The following CCDC141 variants were observed in gnomAD, a reference collection of about 807,000 sequenced individuals.
CCDC141 encodes coiled-coil domain-containing protein 141.
CCDC141 carries 168 observed loss-of-function variants against 181.0 expected under a neutral mutation model. That is an observed-to-expected ratio of 0.93 (90% CI 0.82 to 1.05). CCDC141 has a LOEUF of 1.05. CCDC141 is among the 50% of genes least tolerant of loss of function. The probability of loss-of-function intolerance (pLI) is 0.00; values close to 1 mark genes in which losing one functional copy is unlikely to be tolerated. For missense variants in CCDC141, 1,902 were observed against 1,788.5 expected, an observed-to-expected ratio of 1.06 and a Z score of -1.14; for synonymous variants, 666 against 642.3, an observed-to-expected ratio of 1.04 and a Z score of -0.56.
At chr2:178,962,174 T>C (rs1047137599) in intron 4 of CCDC141, among the ~76,000 whole-genome samples, 2 of 152,154 alleles carry the variant, frequency 1.3e-5, no homozygotes, top group Non-Finnish European at 2.9e-5. Context: ...CTGGAGTAAA[T>C]AGCATTGTAA....
At position 178,834,205 on chromosome 2, in the gene CCDC141, C is replaced by T. The variant is rs946058929; in HGVS notation, c.4561G>A (p.Val1521Met). 5 of 1,536,192 alleles carry T rather than the reference C, an allele frequency of 3.3e-6. No individual in the cohort carries two copies. Among genetic ancestry groups the T allele is most frequent in the African/African-American group, 1.4e-5 (1 of 73,026 alleles). ...WITLCVVYVS[V>M]SLMYWLLTQ ...GTGAGGAGCCAGTACATTAGGGACA[C>T]ACTAACATAGACGACACACAGGGTT... Residue 1521 changes from valine to methionine, a missense_variant, in exon 24 of 24, where the codon GTG becomes ATG. Coordinates refer to ENST00000443758, the MANE Select transcript of CCDC141 (RefSeq NM_173648.4).
chr2:178,915,178 T>C (rs1688388248), intron 7 of CCDC141, among the ~76,000 whole-genome samples: 1 of 149,194 alleles, frequency 6.7e-6, no homozygotes, highest in East Asian at 2.0e-4. Flanking sequence ...CCCCACCCCC[T>C]GAAAAAAAAA....
At chr2:178,854,984 GAAAT>G (rs746724657) in intron 19 of CCDC141, among the ~76,000 whole-genome samples, 2 of 152,142 alleles carry the variant, frequency 1.3e-5, no homozygotes, top group African/African-American at 2.4e-5. Flanking sequence ...CAAGTTCTGT[GAAAT>G]AAATAAACCA....
rs568082785 is a variant in CCDC141, at chr2:179,026,916, C to A, written c.225+20368G>T. On this transcript the variant is annotated intron_variant, in intron 2 of 23. Coordinates refer to ENST00000443758, the MANE Select transcript of CCDC141 (RefSeq NM_173648.4). Reference sequence around the variant, plus strand: ...TTTTGGACTTGCATGGGGCCTATAGCCCCTTTGTTTTGGCCAATTTCTCCC... The same window carrying A: ...TTTTGGACTTGCATGGGGCCTATAGACCCTTTGTTTTGGCCAATTTCTCCC... Among the ~76,000 whole-genome samples, 26 of 152,314 alleles carry A rather than the reference C, an allele frequency of 1.7e-4. 1 individual carries two copies. The highest frequency in any genetic ancestry group is 2.9e-4 in the Non-Finnish European group (20 of 68,038).
chr2:179,000,975 A>G (rs1269004298), intron 2 of CCDC141, among the ~76,000 whole-genome samples: 1 of 152,174 alleles, frequency 6.6e-6, no homozygotes, highest in Non-Finnish European at 1.5e-5. Flanking sequence ...GAAAGTACAC[A>G]ACAGATGCAT....
At chr2:178,989,829 TAAAAAAAAA>T (rs71023463) in intron 2 of CCDC141, among the ~76,000 whole-genome samples, 2 of 81,398 alleles carry the variant, frequency 2.5e-5, no homozygotes, top group Admixed American at 1.4e-4. Context: ...GCTATAATCT[TAAAAAAAAA>T]AAAAAAAAAA....
intron 2 of CCDC141, among the ~76,000 whole-genome samples, chr2:178,988,647 T>A (rs1691877638): frequency 5.3e-5 from 8 of 152,112 alleles, no homozygotes; most frequent in Admixed American, 3.9e-4. Context: ...TTGACAGAAA[T>A]TGAAGAGATA....
intron 22 of CCDC141, among the ~76,000 whole-genome samples, chr2:178,840,362 C>T (rs1004264722): frequency 6.6e-6 from 1 of 152,212 alleles, no homozygotes. Flanking sequence ...TTCAGGTAAC[C>T]TATGACTCTC....
intron 17 of CCDC141, 83 bp from the exon 18 acceptor site, chr2:178,856,480 C>T: frequency 1.0e-6 from 1 of 957,656 alleles, no homozygotes; most frequent in South Asian, 2.3e-5. Context: ...CATCTGAACA[C>T]TTCAAAATAC....
In CCDC141 at chr2:178,911,289, G is replaced by C. The variant is rs182250235; in HGVS notation, c.1093-5788C>G. Among the ~76,000 whole-genome samples, 73 of 152,306 alleles carry C rather than the reference G, an allele frequency of 4.8e-4. 2 individuals carry two copies. Among genetic ancestry groups the C allele is most frequent in the African/African-American group, 1.6e-3 (67 of 41,560 alleles). ...GAGTGCTTAGCAGTTCTGTGCTGTA[G>C]CCACGTATTAACTTACTTAGACAGC... is the stretch of plus-strand genomic sequence containing the variant. On this transcript the variant is annotated intron_variant, in intron 7 of 23. Coordinates refer to ENST00000443758, the MANE Select transcript of CCDC141 (RefSeq NM_173648.4).
intron 2 of CCDC141, among the ~76,000 whole-genome samples, chr2:179,021,076 T>C (rs745698695): frequency 7.2e-5 from 11 of 152,200 alleles, no homozygotes; most frequent in Non-Finnish European, 1.5e-4. Flanking sequence ...TCATTAATAG[T>C]AACCAAAATG....
intron 11 of CCDC141, among the ~76,000 whole-genome samples, chr2:178,879,080 C>T (rs1015538798): frequency 3.9e-5 from 6 of 152,182 alleles, no homozygotes; most frequent in African/African-American, 1.4e-4. Flanking sequence ...ATTATATTTT[C>T]TCATTTGCTA....
intron 5 of CCDC141, among the ~76,000 whole-genome samples, chr2:178,956,393 C>G (rs1690162558): frequency 6.6e-6 from 1 of 152,168 alleles, no homozygotes; most frequent in South Asian, 2.1e-4. Flanking sequence ...GCCTCCTGGG[C>G]TCAAGCCACC....
chr2:178,824,065 C>T, the CCDC141 span, among the ~76,000 whole-genome samples: 1 of 151,542 alleles, frequency 6.6e-6, no homozygotes, highest in Admixed American at 6.6e-5. Context: ...GAGAAAAACA[C>T]ACACACACAC....
chr2:178,822,986 G>A, the CCDC141 span, among the ~76,000 whole-genome samples: 5 of 152,090 alleles, frequency 3.3e-5, no homozygotes, highest in Admixed American at 6.5e-5. Flanking sequence ...TCAGATTGGT[G>A]GAAAAAGAAA....
chr2:178,916,950 T>TTA, intron 7 of CCDC141, among the ~76,000 whole-genome samples: 1 of 150,886 alleles, frequency 6.6e-6, no homozygotes, highest in African/African-American at 2.4e-5. Context: ...TTTTTTTTTT[T>TTA]AAAAAAAAGG....
intron 8 of CCDC141, among the ~76,000 whole-genome samples, chr2:178,896,218 A>G (rs1687397033): frequency 6.6e-6 from 1 of 152,184 alleles, no homozygotes; most frequent in South Asian, 2.1e-4. Context: ...TACCAAATAC[A>G]GCAACTGTTC....
At chr2:178,855,302 T>C in intron 19 of CCDC141, 45 bp downstream of exon 19, 1 of 1,530,718 alleles carries the variant, frequency 6.5e-7, no homozygotes, top group South Asian at 1.2e-5. Flanking sequence ...AAATGATTTT[T>C]GAAAACAACA....
chr2:178,977,314 C>T (rs1335850665), intron 3 of CCDC141, among the ~76,000 whole-genome samples: 2 of 152,032 alleles, frequency 1.3e-5, no homozygotes, highest in Non-Finnish European at 2.9e-5. Flanking sequence ...TGCTCCAATG[C>T]TAGAAAAAAA....
Sources: gnomAD v4.1 joint callset for allele counts (sites outside exome capture counted in the v4.1 genomes callset) on GRCh38, gnomAD v4.1.1 for gene constraint, MANE v1.5 for transcripts, NCBI Gene and HGNC (gene_info 2026-07-23, HGNC 2026-07-21) for gene names.